The following NAALADL2 variants were observed in gnomAD, a reference collection of about 807,000 sequenced individuals.
The protein encoded by NAALADL2 is inactive N-acetylated-alpha-linked acidic dipeptidase-like protein 2.
In NAALADL2, 76 loss-of-function variants were observed where a neutral mutation model predicts 87.2. That is an observed-to-expected ratio of 0.87 (90% confidence interval 0.72 to 1.05). The LOEUF (loss-of-function observed/expected upper bound fraction) is 1.05. NAALADL2 is among the 50% of genes least tolerant of loss of function. The probability of loss-of-function intolerance (pLI) is 0.00; values close to 1 mark genes in which losing one functional copy is unlikely to be tolerated. For missense variants in NAALADL2, 1,089 were observed against 945.8 expected, an observed-to-expected ratio of 1.15 and a Z score of -1.99; for synonymous variants, 354 against 331.0, an observed-to-expected ratio of 1.07 and a Z score of -0.75.
chr3:175,786,882 G>A (rs1014208183), intron 13 of NAALADL2, among the ~76,000 whole-genome samples: 2 of 151,986 alleles, frequency 1.3e-5, no homozygotes, highest in African/African-American at 2.4e-5. Context: ...ATGTACAGAT[G>A]GGTTTTTGGT....
intron 1 of NAALADL2, among the ~76,000 whole-genome samples, chr3:174,492,962 T>C (rs1158153136): frequency 6.6e-6 from 1 of 152,226 alleles, no homozygotes; most frequent in East Asian, 1.9e-4. Flanking sequence ...CTGCTGACTG[T>C]AGTGCAAGGA....
intron 3 of NAALADL2, among the ~76,000 whole-genome samples, chr3:174,830,735 A>G (rs1464601756): frequency 6.6e-6 from 1 of 152,268 alleles, no homozygotes; most frequent in African/African-American, 2.4e-5. Flanking sequence ...CTTCCTACCC[A>G]TGAGCATGGA....
rs113590671 is a variant in NAALADL2 at position 175,651,756 on chromosome 3, T to G, written c.1896+24370T>G. Among the ~76,000 whole-genome samples the G allele has an allele frequency of 1.7e-3, 265 of 152,340 alleles. 3 individuals are homozygous for G. The highest frequency in any genetic ancestry group is 0.014 in the Middle Eastern group (4 of 294). On this transcript the variant is annotated intron_variant, in intron 11 of 13. Transcript: ENST00000454872. ...AGCATTTTGCCAAGGCTTTATAATTTGTGCAGGGTTTTGTTTATCACACAC... is the reference window on the plus strand; with the variant it reads ...AGCATTTTGCCAAGGCTTTATAATTGGTGCAGGGTTTTGTTTATCACACAC...
chr3:175,321,724 A>G (rs1378086388), intron 4 of NAALADL2, among the ~76,000 whole-genome samples: 34 of 132,784 alleles, frequency 2.6e-4, no homozygotes, highest in Non-Finnish European at 5.0e-4. Flanking sequence ...TCATGAGTGA[A>G]CTCCCATTCA....
At chr3:175,002,659 A>G (rs1390955320) in intron 1 of NAALADL2, among the ~76,000 whole-genome samples, 2 of 152,236 alleles carry the variant, frequency 1.3e-5, no homozygotes, top group African/African-American at 4.8e-5. Flanking sequence ...TTGTTGTAAT[A>G]AAGAATCTCT....
intron 1 of NAALADL2, among the ~76,000 whole-genome samples, chr3:175,054,031 A>C (rs1707979801): frequency 6.6e-6 from 1 of 152,234 alleles, no homozygotes; most frequent in African/African-American, 2.4e-5. Flanking sequence ...TAAAGTCATC[A>C]GTTGTTCATC....
chr3:175,105,374 G>A (rs1190458901), intron 2 of NAALADL2, among the ~76,000 whole-genome samples: 1 of 151,704 alleles, frequency 6.6e-6, no homozygotes, highest in Non-Finnish European at 1.5e-5. Context: ...ATGTCCATGA[G>A]GATTATCACT....
chr3:175,093,007 A>G (rs149446340), intron 1 of NAALADL2, among the ~76,000 whole-genome samples: 1 of 152,020 alleles, frequency 6.6e-6, no homozygotes, highest in Non-Finnish European at 1.5e-5. Flanking sequence ...ATTCCTCTAT[A>G]CTAAAGTATA....
chr3:174,696,870 C>G (rs2108869289), intron 2 of NAALADL2, among the ~76,000 whole-genome samples: 1 of 152,030 alleles, frequency 6.6e-6, no homozygotes, highest in Middle Eastern at 3.4e-3. Context: ...GATTTTTGAG[C>G]ATTATAAAAA....
intron 1 of NAALADL2, among the ~76,000 whole-genome samples, chr3:174,904,507 G>A (rs1732741137): frequency 6.6e-6 from 1 of 151,820 alleles, no homozygotes; most frequent in South Asian, 2.1e-4. Flanking sequence ...TACATTACTA[G>A]CAATTCTAAA....
intron 10 of NAALADL2, among the ~76,000 whole-genome samples, chr3:175,617,123 T>G (rs917497645): frequency 5.3e-5 from 8 of 152,158 alleles, no homozygotes; most frequent in African/African-American, 1.9e-4. Context: ...TCTCCTCAAC[T>G]ACAACTAAGG....
At chr3:174,765,326 C>T (rs1713669324) in intron 3 of NAALADL2, among the ~76,000 whole-genome samples, 1 of 152,130 alleles carries the variant, frequency 6.6e-6, no homozygotes. Flanking sequence ...CTTATGTTGT[C>T]ATCTAAAGTC....
intron 2 of NAALADL2, among the ~76,000 whole-genome samples, chr3:174,634,190 A>G (rs1021936806): frequency 6.6e-6 from 1 of 152,234 alleles, no homozygotes; most frequent in Non-Finnish European, 1.5e-5. Flanking sequence ...TATATAAGGA[A>G]CCTAGAAAAT....
chr3:175,076,759 G>A (rs1716674478), intron 1 of NAALADL2, among the ~76,000 whole-genome samples: 1 of 152,134 alleles, frequency 6.6e-6, no homozygotes, highest in Non-Finnish European at 1.5e-5. Context: ...GGGAACAATT[G>A]ACACAATTAT....
chr3:175,759,037 T>G (rs1166454063), intron 13 of NAALADL2, among the ~76,000 whole-genome samples: 2 of 152,186 alleles, frequency 1.3e-5, no homozygotes, highest in African/African-American at 4.8e-5. Flanking sequence ...TATATTATTT[T>G]TGGAATACGT....
chr3:174,836,467 C>T (rs963503974), intron 3 of NAALADL2, among the ~76,000 whole-genome samples: 9 of 151,826 alleles, frequency 5.9e-5, no homozygotes, highest in East Asian at 3.9e-4. Context: ...CTTAAGAGGC[C>T]GAGGCGGGTG....
chr3:174,634,073 A>C (rs565377456), intron 2 of NAALADL2, among the ~76,000 whole-genome samples: 2 of 152,196 alleles, frequency 1.3e-5, no homozygotes, highest in African/African-American at 4.8e-5. Flanking sequence ...GGTGCCAACA[A>C]ATACATATTT....
At chr3:175,213,690 T>A (rs1742093720) in intron 2 of NAALADL2, among the ~76,000 whole-genome samples, 1 of 152,182 alleles carries the variant, frequency 6.6e-6, no homozygotes, top group Non-Finnish European at 1.5e-5. Context: ...TTATAGGAAT[T>A]ATTATATTTA....
intron 11 of NAALADL2, among the ~76,000 whole-genome samples, chr3:175,654,624 T>C (rs1731202355): frequency 6.6e-6 from 1 of 152,212 alleles, no homozygotes; most frequent in Non-Finnish European, 1.5e-5. Context: ...AAAATCGCAA[T>C]TGGCATCGCT....
Sources: gnomAD v4.1 joint callset for allele counts (sites outside exome capture counted in the v4.1 genomes callset) on GRCh38, gnomAD v4.1.1 for gene constraint, MANE v1.5 for transcripts, NCBI Gene and HGNC (gene_info 2026-07-23, HGNC 2026-07-21) for gene names.